MALRD1: variants seen among roughly 807,000 people sequenced by gnomAD.
MALRD1 encodes MAM and LDL receptor class A domain containing 1.
Under a neutral mutation model 242.1 loss-of-function variants are expected in MALRD1, and 247 were observed. The ratio of observed to expected loss-of-function variants is 1.02; its 90% CI spans 0.92 to 1.13. The LOEUF (loss-of-function observed/expected upper bound fraction) is 1.13. Ranked by LOEUF, MALRD1 falls within the 50% of genes most tolerant of loss-of-function variation. The pLI is 0.00. For synonymous variants in MALRD1, 995 were observed against 866.6 expected (o/e 1.15, Z -2.60); for missense variants, 2,989 against 2,533.1 (o/e 1.18, Z -3.86).
intron 21 of MALRD1, among the ~76,000 whole-genome samples, chr10:19,313,951 G>C (rs931658256): frequency 3.7e-4 from 56 of 151,448 alleles, no homozygotes; most frequent in African/African-American, 1.3e-3. Context: ...TATTTCATGA[G>C]ACTAGGAAAG....
At chr10:19,449,165 T>G (rs1487245423) in intron 28 of MALRD1, among the ~76,000 whole-genome samples, 1 of 152,102 alleles carries the variant, frequency 6.6e-6, no homozygotes, top group Non-Finnish European at 1.5e-5. Flanking sequence ...ATTTGTTTTA[T>G]TTTAGTTTAG....
At chr10:19,055,158 G>C (rs867518740) in intron 1 of MALRD1, among the ~76,000 whole-genome samples, 1 of 152,062 alleles carries the variant, frequency 6.6e-6, no homozygotes, top group South Asian at 2.1e-4. Context: ...TAGTAATACT[G>C]AAAAATTTTT....
intron 31 of MALRD1, among the ~76,000 whole-genome samples, chr10:19,517,318 A>G (rs1833680281): frequency 6.6e-6 from 1 of 152,184 alleles, no homozygotes; most frequent in Admixed American, 6.5e-5. Context: ...ATGGCTGGTG[A>G]AAACATGGGC....
At chr10:19,429,804 T>C (rs1474937409) in intron 28 of MALRD1, among the ~76,000 whole-genome samples, 2 of 152,182 alleles carry the variant, frequency 1.3e-5, no homozygotes, top group Non-Finnish European at 2.9e-5. Context: ...TGATCTTCAA[T>C]GTGACCCTTC....
intron 36 of MALRD1, among the ~76,000 whole-genome samples, chr10:19,633,066 T>C (rs1839978394): frequency 6.6e-6 from 1 of 152,094 alleles, no homozygotes; most frequent in Non-Finnish European, 1.5e-5. Flanking sequence ...ACCCTGTCTC[T>C]ACTAAAGATA....
intron 26 of MALRD1, among the ~76,000 whole-genome samples, chr10:19,381,538 T>G (rs1204301580): frequency 1.3e-5 from 2 of 151,604 alleles, no homozygotes; most frequent in East Asian, 3.9e-4. Flanking sequence ...CATTGAAAAA[T>G]GGGTTATGGC....
At chr10:19,665,468 G>T (rs1486134173) in intron 36 of MALRD1, among the ~76,000 whole-genome samples, 9 of 152,050 alleles carry the variant, frequency 5.9e-5, no homozygotes, top group African/African-American at 2.2e-4. Context: ...TTTATGTTCT[G>T]TTTTCAGGCA....
chr10:19,703,432 A>T lies in MALRD1; in HGVS notation c.6314+10878A>T, dbSNP rs1162768197. Among the ~76,000 whole-genome samples, 3 of 152,232 alleles carry T rather than the reference A, an allele frequency of 2.0e-5. No individual in the cohort carries two copies. The East Asian group carries it at 5.8e-4, about 29-fold the overall frequency. ...GGGATGGGCCAAAAAAGAAGTCATC[A>T]TGAAAGATCTCTGAAAGCTGTCTTC... On this transcript the variant is annotated intron_variant, in intron 38 of 39. Coordinates refer to ENST00000454679, the MANE Select transcript of MALRD1 (RefSeq NM_001142308.3).
chr10:19,324,092 T>C lies in MALRD1; in HGVS notation c.3563T>C (p.Val1188Ala). 6.5e-7 allele frequency: 1 copy of C among 1,550,284 alleles called. No homozygotes were observed. Among genetic ancestry groups the C allele is most frequent in the African/African-American group, 1.4e-5 (1 of 73,144 alleles). The change falls in exon 22 of 40, where the codon GTT becomes GCT. Residue 1188 changes from valine (V) to alanine (A), a missense_variant. Transcript: ENST00000454679. ...VFWTHMNGATVGSLQVLIKKD... is the reference protein window; with the variant it reads ...VFWTHMNGATAGSLQVLIKKD... ...TGGACACATATGAATGGGGCCACCGTTGGTTCTCTCCAGGTACTGCTTAGG... is the reference window on the plus strand; with the variant it reads ...TGGACACATATGAATGGGGCCACCGCTGGTTCTCTCCAGGTACTGCTTAGG...
chr10:19,633,250 C>CAGAG (rs746264616), intron 36 of MALRD1, among the ~76,000 whole-genome samples: 1 of 151,664 alleles, frequency 6.6e-6, no homozygotes, highest in Non-Finnish European at 1.5e-5. Context: ...AAAAGAGAGA[C>CAGAG]AGAGAGAGAG....
intron 28 of MALRD1, among the ~76,000 whole-genome samples, chr10:19,407,241 A>G (rs757984362): frequency 6.6e-6 from 1 of 152,178 alleles, no homozygotes; most frequent in South Asian, 2.1e-4. Flanking sequence ...AAGCTGAGGC[A>G]GAAGGATTCC....
rs1025072859 is a variant in MALRD1, at chr10:19,266,236, A to C, written c.3079+8465A>C. 5.9e-5 allele frequency among the ~76,000 whole-genome samples: 9 copies of C among 151,802 alleles called. No individual in the cohort carries two copies. The East Asian group carries it at 1.2e-3, about 20-fold the overall frequency. On this transcript the variant is annotated intron_variant, in intron 19 of 39. Coordinates refer to ENST00000454679, the MANE Select transcript of MALRD1 (RefSeq NM_001142308.3). ...TTAAAGTAATTATTAATAGGTAAGG[A>C]CTTACTATTGCCATTTAAAAAATTC...
intron 4 of MALRD1, among the ~76,000 whole-genome samples, chr10:19,098,776 G>A (rs1255243841): frequency 3.9e-5 from 6 of 152,152 alleles, no homozygotes; most frequent in Non-Finnish European, 8.8e-5. Flanking sequence ...AAGAATGGAG[G>A]TTTAATAGGT....
In MALRD1 at chr10:19,607,794, A is replaced by G. The variant is rs1160084888; in HGVS notation, c.5962A>G (p.Asn1988Asp). 1.3e-6 allele frequency: 2 copies of G among 1,549,016 alleles called. No homozygotes were observed. The highest frequency in any genetic ancestry group is 1.7e-6 in the Non-Finnish European group (2 of 1,146,334). ...ELICSNKSCSNGALVCASSNS... is the reference protein window; with the variant it reads ...ELICSNKSCSDGALVCASSNS... ...TTTTGCAGCCAACAAAAGCTGTTCT[A>G]ATGGAGCTCTGGTGTGTGCCTCCTC... Residue 1988 changes from asparagine to aspartate, a missense_variant, in exon 35 of 40, where the codon AAT (asparagine) becomes GAT (aspartate). Asn to Asp is a conservative substitution (Grantham distance 23). Coordinates refer to ENST00000454679, the MANE Select transcript of MALRD1 (RefSeq NM_001142308.3).
intron 29 of MALRD1, among the ~76,000 whole-genome samples, chr10:19,459,430 A>G (rs1377812926): frequency 6.6e-6 from 1 of 152,158 alleles, no homozygotes; most frequent in Admixed American, 6.5e-5. Context: ...GACAGGCTTC[A>G]GAAGAGAGAC....
chr10:19,374,448 T>C (rs1271183797), intron 26 of MALRD1, among the ~76,000 whole-genome samples: 1 of 152,236 alleles, frequency 6.6e-6, no homozygotes, highest in African/African-American at 2.4e-5. Context: ...GGCTGCTTTC[T>C]GCAAGCTATA....
At chr10:19,422,178 A>G (rs1054656546) in intron 28 of MALRD1, among the ~76,000 whole-genome samples, 6 of 152,158 alleles carry the variant, frequency 3.9e-5, no homozygotes, top group Non-Finnish European at 8.8e-5. Flanking sequence ...TTCTAACCTC[A>G]TGTTGGCATT....
At chr10:19,270,334 T>TCACACACACACACACA (rs1295856463) in intron 19 of MALRD1, among the ~76,000 whole-genome samples, 6 of 75,610 alleles carry the variant, frequency 7.9e-5, no homozygotes, top group African/African-American at 2.5e-4. Flanking sequence ...TCTCTCTCTC[T>TCACACACACACACACA]CTCACACACA....
At position 19,692,886 on chromosome 10, in the gene MALRD1, T is replaced by TATATATATAAAA. The variant is rs373717863; in HGVS notation, c.6314+333_6314+334insTATATATAAAAA. Among the ~76,000 whole-genome samples, 3 of 136,856 alleles carry TATATATATAAAA rather than the reference T, an allele frequency of 2.2e-5. No homozygotes were observed. In the East Asian group the frequency reaches 6.3e-4, roughly 29 times the overall value. The allele number at this position is 136,856 out of a possible 152,430, so 89.8% of individuals were successfully genotyped here. ...ATGAAATTATATATATATATATATA[T>TATATATATAAAA]AATTTCATCCCTGGAATGCAAGGCT... On this transcript the variant is annotated intron_variant, in intron 38 of 39. Transcript: ENST00000454679.
Sources: gnomAD v4.1 joint callset for allele counts (sites outside exome capture counted in the v4.1 genomes callset) on GRCh38, gnomAD v4.1.1 for gene constraint, MANE v1.5 for transcripts, NCBI Gene and HGNC (gene_info 2026-07-23, HGNC 2026-07-21) for gene names.